GABRA3: variants seen among roughly 807,000 people sequenced by gnomAD.
GABRA3 encodes the protein gamma-aminobutyric acid type A receptor subunit alpha3.
GABRA3 carries 10 observed loss-of-function variants against 30.1 expected under a neutral mutation model. That is an observed-to-expected ratio of 0.33 (90% CI 0.20 to 0.56). GABRA3 has a LOEUF of 0.56. GABRA3 is among the 20% of genes least tolerant of loss of function. GABRA3 has a pLI of 0.89. For missense variants in GABRA3, 233 were observed against 392.0 expected (o/e 0.59, Z 3.42); for synonymous variants, 151 against 146.8 (o/e 1.03, Z -0.21).
chrX:152,301,694 T>C (rs1352490644), intron 3 of GABRA3, among the ~76,000 whole-genome samples: 6 of 110,472 alleles, frequency 5.4e-5, no homozygotes, highest in African/African-American at 2.0e-4. Context: ...CCACAATGCC[T>C]GGCTAATTTT....
intron 2 of GABRA3, among the ~76,000 whole-genome samples, chrX:152,360,739 T>A (rs75320270): frequency 0.03 from 1,634 of 55,224 alleles, 20 homozygotes; most frequent in Non-Finnish European, 0.044. Flanking sequence ...AAAAAAAAAT[T>A]AAAAAAAAAA....
intron 1 of GABRA3, among the ~76,000 whole-genome samples, chrX:152,437,780 C>T (rs1292566619): frequency 8.9e-6 from 1 of 111,744 alleles, no homozygotes; most frequent in African/African-American, 3.3e-5. Context: ...GTCTTTTCAA[C>T]AAATGGTGCT....
At chrX:152,382,774 C>A (rs1929181650) in intron 1 of GABRA3, among the ~76,000 whole-genome samples, 1 of 111,426 alleles carries the variant, frequency 9.0e-6, no homozygotes, top group Admixed American at 9.5e-5. Context: ...ATTAAAGAGA[C>A]CATCCTTTAC....
At chrX:152,243,506 G>A (rs1938415880) in intron 5 of GABRA3, among the ~76,000 whole-genome samples, 1 of 111,645 alleles carries the variant, frequency 9.0e-6, no homozygotes, top group African/African-American at 3.3e-5. Context: ...AAGCCAGACT[G>A]CCAGATTTAA....
intron 3 of GABRA3, among the ~76,000 whole-genome samples, chrX:152,286,107 C>T (rs866230643): frequency 1.2e-5 from 1 of 83,542 alleles, no homozygotes; most frequent in Non-Finnish European, 2.4e-5. Context: ...AAGTTATATA[C>T]TTATATACTA....
intron 1 of GABRA3, among the ~76,000 whole-genome samples, chrX:152,430,172 C>T (rs974905400): frequency 9.0e-6 from 1 of 111,414 alleles, no homozygotes; most frequent in Admixed American, 9.6e-5. Context: ...ATAAAACATA[C>T]ATTAAAAAAT....
intron 8 of GABRA3, among the ~76,000 whole-genome samples, 185 bp from the exon 9 acceptor site, chrX:152,190,126 C>A (rs966668621): frequency 9.0e-6 from 1 of 111,400 alleles, no homozygotes; most frequent in Non-Finnish European, 1.9e-5. Flanking sequence ...AGTAACCAGC[C>A]CATCCCAATT....
chrX:152,238,113 G>A (rs1381038390), intron 5 of GABRA3, among the ~76,000 whole-genome samples: 1 of 107,415 alleles, frequency 9.3e-6, no homozygotes, highest in Non-Finnish European at 1.9e-5. Context: ...TATTCAGTAT[G>A]ATATTGGCTG....
At chrX:152,404,945 G>C (rs962670509) in intron 1 of GABRA3, among the ~76,000 whole-genome samples, 3 of 108,632 alleles carry the variant, frequency 2.8e-5, no homozygotes, top group Non-Finnish European at 5.7e-5. Context: ...TCGTCCCCCT[G>C]CAAGGAACAC....
At chrX:152,242,227 A>G (rs918530347) in intron 5 of GABRA3, among the ~76,000 whole-genome samples, 3 of 111,529 alleles carry the variant, frequency 2.7e-5, no homozygotes, top group African/African-American at 9.8e-5. Context: ...GGATATCCAC[A>G]TACAGAAGAA....
At chrX:152,415,978 TGA>T (rs1930203818) in intron 1 of GABRA3, among the ~76,000 whole-genome samples, 1 of 111,047 alleles carries the variant, frequency 9.0e-6, no homozygotes, top group South Asian at 3.8e-4. Context: ...TAAATAATGA[TGA>T]TTCATTTTTT....
At chrX:152,254,196 T>C (rs1248542079) in intron 5 of GABRA3, among the ~76,000 whole-genome samples, 2 of 111,216 alleles carry the variant, frequency 1.8e-5, no homozygotes, top group African/African-American at 6.5e-5. Flanking sequence ...CTTCTCTTTC[T>C]TTCGTCTACA....
intron 1 of GABRA3, among the ~76,000 whole-genome samples, chrX:152,393,934 G>A (rs1233672375): frequency 9.0e-6 from 1 of 111,313 alleles, no homozygotes; most frequent in African/African-American, 3.3e-5. Context: ...ACTATCACAA[G>A]TATCAGCATT....
At chrX:152,414,070 G>T (rs999160309) in intron 1 of GABRA3, among the ~76,000 whole-genome samples, 5 of 111,417 alleles carry the variant, frequency 4.5e-5, no homozygotes, top group Non-Finnish European at 9.5e-5. Context: ...TTGTTTGGCA[G>T]ATTCTTAAAA....
chrX:152,226,476 G>T (rs1326872527), intron 5 of GABRA3, among the ~76,000 whole-genome samples: 2 of 111,387 alleles, frequency 1.8e-5, no homozygotes, highest in Non-Finnish European at 3.8e-5. Context: ...GCATGGGCAA[G>T]GACTTCATGT....
rs1448227744 is a variant in GABRA3, at chrX:152,175,392, T to G, written c.1144-6829A>C. On this transcript the variant is annotated intron_variant, in intron 9 of 9. Coordinates refer to ENST00000370314, the MANE Select transcript of GABRA3 (RefSeq NM_000808.4). ...AAGGAAAACATAGGAAATCATCCATTTATTTAATATTTTCTGCGTCTACAA... is the reference window on the plus strand; with the variant it reads ...AAGGAAAACATAGGAAATCATCCATGTATTTAATATTTTCTGCGTCTACAA... Among the ~76,000 whole-genome samples, 4 of 111,011 alleles carry G rather than the reference T, an allele frequency of 3.6e-5. No homozygotes were observed. The East Asian group carries it at 1.1e-3, about 31-fold the overall frequency.
chrX:152,305,523 A>T (rs896644946), intron 3 of GABRA3, among the ~76,000 whole-genome samples: 2 of 111,856 alleles, frequency 1.8e-5, no homozygotes, highest in African/African-American at 6.5e-5. Context: ...TCTTTTATTT[A>T]TCTGATTAAA....
chrX:152,167,977 A>G lies in GABRA3; in HGVS notation c.*251T>C, dbSNP rs182627498. 3 of 396,922 alleles carry G rather than the reference A, an allele frequency of 7.6e-6. No individual in the cohort carries two copies. In the Admixed American group the frequency reaches 1.3e-4, roughly 17 times the overall value. 32.7% of individuals were successfully genotyped at this position (396,922 alleles called of 1,213,427 possible). On this transcript the variant is annotated 3_prime_UTR_variant, in exon 10 of 10. Transcript: ENST00000370314. Reference sequence around the variant, plus strand: ...GCCCTCAGCTAGGGGAGATTGGCAGACTAAGATGAGCAACTGGACAAATGG... The same window carrying G: ...GCCCTCAGCTAGGGGAGATTGGCAGGCTAAGATGAGCAACTGGACAAATGG...
At chrX:152,393,525 A>C in intron 1 of GABRA3, 1 of 366,964 alleles carries the variant, frequency 2.7e-6, no homozygotes, top group South Asian at 2.6e-5. Context: ...CTACAATATA[A>C]AAGCAGGTGG....
Sources: allele counts gnomAD v4.1 joint callset (sites outside exome capture counted in the v4.1 genomes callset), GRCh38; gene constraint gnomAD v4.1.1; transcripts MANE v1.5; gene names NCBI Gene and HGNC (gene_info 2026-07-23, HGNC 2026-07-21).